NEGR1: variants seen among roughly 807,000 people sequenced by gnomAD.
NEGR1 encodes IgLON family member 4.
Under a neutral mutation model 40.9 loss-of-function variants are expected in NEGR1, and 10 were observed. The ratio of observed to expected loss-of-function variants is 0.24; its 90% CI spans 0.15 to 0.42. NEGR1 has a LOEUF of 0.42. Among genes scored for constraint, NEGR1 ranks in the 10% least tolerant of loss-of-function variants. The probability of loss-of-function intolerance (pLI) is 1.00; values close to 1 mark genes in which losing one functional copy is unlikely to be tolerated. For synonymous variants in NEGR1, 185 were observed against 166.8 expected (o/e 1.11, Z -0.84); for missense variants, 352 against 438.9 (o/e 0.80, Z 1.77).
intron 2 of NEGR1, among the ~76,000 whole-genome samples, chr1:71,824,878 T>A (rs1426972265): frequency 6.6e-6 from 1 of 151,998 alleles, no homozygotes; most frequent in Non-Finnish European, 1.5e-5. Flanking sequence ...ACCTGAATAA[T>A]CAACAATTTA....
At chr1:72,240,419 T>C (rs1193718376) in intron 1 of NEGR1, among the ~76,000 whole-genome samples, 1 of 151,766 alleles carries the variant, frequency 6.6e-6, no homozygotes, top group East Asian at 1.9e-4. Flanking sequence ...AACTTCCCAT[T>C]TAATGGGTGC....
At chr1:71,997,062 A>G (rs1646511014) in intron 1 of NEGR1, among the ~76,000 whole-genome samples, 1 of 151,916 alleles carries the variant, frequency 6.6e-6, no homozygotes, top group Non-Finnish European at 1.5e-5. Flanking sequence ...TGTCACCTCT[A>G]TTTGATGTGT....
intron 3 of NEGR1, among the ~76,000 whole-genome samples, chr1:71,752,279 T>G (rs1655595184): frequency 6.6e-6 from 1 of 152,196 alleles, no homozygotes; most frequent in Non-Finnish European, 1.5e-5. Context: ...CTGTTACAAC[T>G]ACTCAACTCT....
intron 1 of NEGR1, among the ~76,000 whole-genome samples, chr1:72,226,681 T>G (rs1346264412): frequency 1.3e-5 from 2 of 152,010 alleles, no homozygotes; most frequent in Admixed American, 6.6e-5. Context: ...CCCAGTATGT[T>G]CCTCAAATAT....
intron 3 of NEGR1, among the ~76,000 whole-genome samples, chr1:71,716,181 T>G (rs895398754): frequency 2.6e-5 from 4 of 152,100 alleles, no homozygotes; most frequent in African/African-American, 9.7e-5. Flanking sequence ...TCAAATCTCA[T>G]GAGAACTCAC....
At chr1:71,754,838 C>G (rs757771488) in intron 3 of NEGR1, among the ~76,000 whole-genome samples, 3 of 152,192 alleles carry the variant, frequency 2.0e-5, no homozygotes, top group South Asian at 4.1e-4. Context: ...CTCTGAGTTT[C>G]ACTCTTCTAG....
At chr1:71,923,597 G>C (rs1391978271) in intron 2 of NEGR1, among the ~76,000 whole-genome samples, 2 of 152,168 alleles carry the variant, frequency 1.3e-5, no homozygotes, top group African/African-American at 4.8e-5. Flanking sequence ...ATGTCTGTTA[G>C]GGTAGACATG....
intron 4 of NEGR1, among the ~76,000 whole-genome samples, chr1:71,691,744 T>A (rs919242081): frequency 1.3e-5 from 2 of 151,790 alleles, no homozygotes; most frequent in African/African-American, 4.8e-5. Context: ...ATGCTTAACC[T>A]TCTTTTCTGT....
intron 1 of NEGR1, among the ~76,000 whole-genome samples, chr1:72,252,106 C>CT (rs898064832): frequency 1.2e-4 from 17 of 145,584 alleles, no homozygotes; most frequent in African/African-American, 3.9e-4. Flanking sequence ...TGCAACCTAA[C>CT]TTTTTTTTTC....
intron 5 of NEGR1, among the ~76,000 whole-genome samples, chr1:71,608,455 T>C (rs973760504): frequency 4.6e-5 from 7 of 151,066 alleles, no homozygotes; most frequent in African/African-American, 1.5e-4. Flanking sequence ...CTTTTCTATA[T>C]TTACTATAGG....
At chr1:71,833,180 G>A (rs1255707932) in intron 2 of NEGR1, among the ~76,000 whole-genome samples, 2 of 151,872 alleles carry the variant, frequency 1.3e-5, no homozygotes, top group Non-Finnish European at 2.9e-5. Context: ...TTTTTGTTAT[G>A]TATTTACTTA....
intron 1 of NEGR1, among the ~76,000 whole-genome samples, chr1:72,127,249 C>A (rs540369420): frequency 2.0e-5 from 3 of 151,820 alleles, no homozygotes; most frequent in African/African-American, 7.2e-5. Context: ...AAGATCACGA[C>A]GTCAGGAGAT....
chr1:71,944,184 T>A (rs1645997196), intron 1 of NEGR1, among the ~76,000 whole-genome samples: 1 of 152,188 alleles, frequency 6.6e-6, no homozygotes, highest in Non-Finnish European at 1.5e-5. Context: ...GAAAGTTCTG[T>A]CTGCAATACT....
intron 1 of NEGR1, 72 bp from the exon 2 acceptor site, chr1:71,935,383 G>GT (rs963971337): frequency 1.3e-5 from 14 of 1,106,898 alleles, no homozygotes; most frequent in African/African-American, 4.7e-5. Context: ...TGTTCTGAGT[G>GT]TTTTTTTCTT....
chr1:71,655,377 A>G (rs1651843819), intron 4 of NEGR1, among the ~76,000 whole-genome samples: 2 of 152,160 alleles, frequency 1.3e-5, no homozygotes, highest in African/African-American at 4.8e-5. Context: ...TTTATACCTA[A>G]AGCCTTCAGA....
intron 2 of NEGR1, among the ~76,000 whole-genome samples, chr1:71,873,115 T>C (rs1211393777): frequency 1.2e-5 from 1 of 80,460 alleles, no homozygotes; most frequent in Non-Finnish European, 2.2e-5. Flanking sequence ...CCTAAAGATG[T>C]AGCAAAAAAA....
At position 72,231,786 on chromosome 1, in the gene NEGR1, T is replaced by A. The variant is rs1026185326; in HGVS notation, c.176+50533A>T. ...TGGTGCTTACATAATTAGTTAATTT[T>A]ACTTTTGGGAAAAATGGCAAATAGA... On this transcript the variant is annotated intron_variant, in intron 1 of 6. Coordinates refer to ENST00000357731, the MANE Select transcript of NEGR1 (RefSeq NM_173808.3). Among the ~76,000 whole-genome samples, 6 of 152,030 alleles carry A rather than the reference T, an allele frequency of 3.9e-5. No individual in the cohort carries two copies. The South Asian group carries it at 1.2e-3, about 32-fold the overall frequency.
At chr1:72,055,974 T>C (rs1371541112) in intron 1 of NEGR1, among the ~76,000 whole-genome samples, 1 of 150,686 alleles carries the variant, frequency 6.6e-6, no homozygotes, top group Non-Finnish European at 1.5e-5. Flanking sequence ...CACTTTATTA[T>C]TCCTAAAATT....
chr1:72,174,438 G>A (rs1037416549), intron 1 of NEGR1, among the ~76,000 whole-genome samples: 1 of 152,086 alleles, frequency 6.6e-6, no homozygotes, highest in Admixed American at 6.6e-5. Flanking sequence ...CACCATTATA[G>A]TATTATAGAG....
Sources: gnomAD v4.1 joint callset for allele counts (sites outside exome capture counted in the v4.1 genomes callset) on GRCh38, gnomAD v4.1.1 for gene constraint, MANE v1.5 for transcripts, NCBI Gene and HGNC (gene_info 2026-07-23, HGNC 2026-07-21) for gene names.